MACROD2: variants seen among roughly 807,000 people sequenced by gnomAD.
MACROD2 encodes ADP-ribose glycohydrolase MACROD2.
MACROD2 carries 36 observed loss-of-function variants against 70.4 expected under a neutral mutation model. The ratio of observed to expected loss-of-function variants is 0.51; its 90% confidence interval spans 0.39 to 0.68. The LOEUF (loss-of-function observed/expected upper bound fraction) is 0.68, where lower values mean the gene tolerates loss of function less well. Among genes scored for constraint, MACROD2 ranks in the 30% least tolerant of loss-of-function variants. The probability of loss-of-function intolerance (pLI) is 0.00; values close to 1 mark genes in which losing one functional copy is unlikely to be tolerated. For missense variants in MACROD2, 496 were observed against 538.4 expected, an observed-to-expected ratio of 0.92 and a Z score of 0.78; for synonymous variants, 172 against 178.8, an observed-to-expected ratio of 0.96 and a Z score of 0.30.
At chr20:15,199,873 A>G (rs964694513) in intron 5 of MACROD2, among the ~76,000 whole-genome samples, 1 of 152,226 alleles carries the variant, frequency 6.6e-6, no homozygotes, top group Non-Finnish European at 1.5e-5. Context: ...CATTACTATC[A>G]TTAGCATCAG....
chr20:15,849,791 T>C (rs2064275781), intron 8 of MACROD2, among the ~76,000 whole-genome samples: 2 of 152,068 alleles, frequency 1.3e-5, no homozygotes, highest in Admixed American at 1.3e-4. Flanking sequence ...AAATAGACAA[T>C]AGGGGTCTGC....
chr20:14,894,138 A>C (rs2073798480), intron 5 of MACROD2: 1 of 152,048 alleles, frequency 6.6e-6, no homozygotes, highest in South Asian at 2.1e-4. Flanking sequence ...ATACATTTCA[A>C]CTTTGTTTAT....
intron 5 of MACROD2, chr20:15,197,072 C>T: frequency 1.0e-6 from 1 of 963,652 alleles, no homozygotes; most frequent in Non-Finnish European, 1.2e-6. Flanking sequence ...CTTATAAGGT[C>T]CTCTTCATGT....
At chr20:14,968,190 A>G (rs1447563374) in intron 5 of MACROD2, among the ~76,000 whole-genome samples, 1 of 152,160 alleles carries the variant, frequency 6.6e-6, no homozygotes, top group Non-Finnish European at 1.5e-5. Context: ...TATCACTTAA[A>G]ATTTCTCTTC....
At chr20:15,502,512 A>T (rs1345058916) in intron 8 of MACROD2, among the ~76,000 whole-genome samples, 1 of 152,162 alleles carries the variant, frequency 6.6e-6, no homozygotes, top group Non-Finnish European at 1.5e-5. Flanking sequence ...GTAGGAGAAT[A>T]ACACATATAA....
intron 5 of MACROD2, among the ~76,000 whole-genome samples, chr20:15,228,584 G>A (rs1305362458): frequency 6.9e-6 from 1 of 144,984 alleles, no homozygotes; most frequent in Non-Finnish European, 1.5e-5. Flanking sequence ...CCGACTCCCT[G>A]GTTCAAGCGA....
intron 6 of MACROD2, among the ~76,000 whole-genome samples, chr20:15,307,791 C>T (rs573308336): frequency 6.6e-6 from 1 of 152,092 alleles, no homozygotes; most frequent in African/African-American, 2.4e-5. Context: ...TAACATATTA[C>T]ATTTTTTGTC....
At chr20:14,897,771 A>C (rs1016417932) in intron 5 of MACROD2, among the ~76,000 whole-genome samples, 1 of 152,158 alleles carries the variant, frequency 6.6e-6, no homozygotes. Flanking sequence ...TTTATTTCCC[A>C]CCATTCTGGA....
At chr20:14,816,948 C>T (rs571240160) in intron 5 of MACROD2, among the ~76,000 whole-genome samples, 9 of 152,050 alleles carry the variant, frequency 5.9e-5, no homozygotes, top group Admixed American at 1.3e-4. Flanking sequence ...AAACTACTCA[C>T]GTAAATAAAA....
At chr20:15,048,126 A>ATAAATAAATAAATAAATAAATAAAAT (rs1216957349) in intron 5 of MACROD2, among the ~76,000 whole-genome samples, 1 of 152,082 alleles carries the variant, frequency 6.6e-6, no homozygotes, top group Non-Finnish European at 1.5e-5. Context: ...ATAATAAAAA[A>ATAAATAAATAAATAAATAAATAAAAT]TTAGCCAGGT....
chr20:14,865,371 T>G (rs2073417398), intron 5 of MACROD2, among the ~76,000 whole-genome samples: 1 of 152,054 alleles, frequency 6.6e-6, no homozygotes, highest in Admixed American at 6.6e-5. Flanking sequence ...ATCCCTAGGT[T>G]GACTCACTGC....
intron 3 of MACROD2, among the ~76,000 whole-genome samples, chr20:14,466,020 G>T (rs1193935946): frequency 6.6e-6 from 1 of 151,976 alleles, no homozygotes; most frequent in Non-Finnish European, 1.5e-5. Context: ...TCTTGGAGTT[G>T]CTCTTCTCGA....
At chr20:15,523,803 G>A (rs112958032) in intron 8 of MACROD2, among the ~76,000 whole-genome samples, 6 of 152,222 alleles carry the variant, frequency 3.9e-5, no homozygotes, top group Admixed American at 1.3e-4. Context: ...TTCCATGATC[G>A]ATGGACAGTC....
At chr20:15,444,858 T>C (rs1046511220) in intron 7 of MACROD2, among the ~76,000 whole-genome samples, 1 of 152,176 alleles carries the variant, frequency 6.6e-6, no homozygotes, top group Non-Finnish European at 1.5e-5. Context: ...TTCATATAGG[T>C]AATAATGCCT....
chr20:14,681,683 A>G (rs999716998), intron 4 of MACROD2, among the ~76,000 whole-genome samples: 2 of 152,174 alleles, frequency 1.3e-5, no homozygotes, highest in African/African-American at 4.8e-5. Flanking sequence ...AAATGCACAC[A>G]GTTGTTAAAA....
chr20:15,056,125 A>C (rs1440704916), intron 5 of MACROD2, among the ~76,000 whole-genome samples: 1 of 152,140 alleles, frequency 6.6e-6, no homozygotes, highest in Non-Finnish European at 1.5e-5. Flanking sequence ...CAGCTGCAAG[A>C]CAGCACCCGA....
intron 5 of MACROD2, among the ~76,000 whole-genome samples, chr20:14,877,096 G>A (rs1379526936): frequency 6.6e-6 from 1 of 152,128 alleles, no homozygotes; most frequent in Non-Finnish European, 1.5e-5. Flanking sequence ...AGCATGGAAT[G>A]TTTTTCCATC....
At chr20:16,006,063 AT>A (rs1432959037) in intron 15 of MACROD2, among the ~76,000 whole-genome samples, 1 of 152,190 alleles carries the variant, frequency 6.6e-6, no homozygotes, top group Non-Finnish European at 1.5e-5. Flanking sequence ...TGAAAAGCCA[AT>A]CCTGGAAGGC....
chr20:15,779,736 TA>T (rs2051797432), intron 8 of MACROD2, among the ~76,000 whole-genome samples: 1 of 152,144 alleles, frequency 6.6e-6, no homozygotes, highest in East Asian at 1.9e-4. Context: ...CATAAAGACT[TA>T]CCTTTCTGCC....
Sources: allele counts gnomAD v4.1 joint callset (sites outside exome capture counted in the v4.1 genomes callset), GRCh38; gene constraint gnomAD v4.1.1; transcripts MANE v1.5; gene names NCBI Gene and HGNC (gene_info 2026-07-23, HGNC 2026-07-21).